TBCE: variants seen among roughly 807,000 people sequenced by gnomAD.
TBCE encodes the protein tubulin folding cofactor E, also known as tubulin-specific chaperone E.
TBCE carries 53 observed loss-of-function variants against 77.0 expected under a neutral mutation model. The ratio of observed to expected loss-of-function variants is 0.69; its 90% CI spans 0.55 to 0.87. TBCE has a LOEUF of 0.87. TBCE is among the 40% of genes least tolerant of loss of function. The pLI is 0.00. For missense variants in TBCE, 624 were observed against 622.4 expected (o/e 1.00, Z -0.03); for synonymous variants, 235 against 241.3 (o/e 0.97, Z 0.24).
intron 8 of TBCE, among the ~76,000 whole-genome samples, chr1:235,435,390 C>T (rs529055047): frequency 1.3e-5 from 2 of 152,202 alleles, no homozygotes; most frequent in African/African-American, 2.4e-5. Flanking sequence ...TGTGAGCCAC[C>T]GTGCCTGGCC....
rs149511860 is a variant in TBCE, at chr1:235,437,342, A to G, written c.984A>G (p.Leu328=). The change falls in exon 12 of 17, where the codon CTA becomes CTG. Residue 328 remains leucine, a synonymous_variant. Coordinates refer to ENST00000642610, the MANE Select transcript of TBCE (RefSeq NM_003193.5). The part of the protein sequence containing the change: ...QISQWSFFNE[L]EKLPSLRALS... ...TTCAGTGGTCGTTTTTCAATGAGCT[A>G]GAGAAGTTACCAAGTCTACGGGCTT... The G allele has an allele frequency of 1.5e-5, 25 of 1,614,020 alleles. No individual in the cohort carries two copies. The African/African-American group carries it at 1.9e-4, about 12-fold the overall frequency.
chr1:235,435,058 C>T (rs998373493), intron 8 of TBCE, among the ~76,000 whole-genome samples: 72 of 151,552 alleles, frequency 4.8e-4, no homozygotes, highest in Non-Finnish European at 7.1e-4. Flanking sequence ...TAAAGATTTT[C>T]GTTTACAGAA....
chr1:235,444,249 G>A (rs1179664737), intron 15 of TBCE, among the ~76,000 whole-genome samples: 1 of 152,128 alleles, frequency 6.6e-6, no homozygotes, highest in East Asian at 1.9e-4. Context: ...TCACAATCCA[G>A]TTTCTACTCC....
intron 7 of TBCE, among the ~76,000 whole-genome samples, chr1:235,431,553 G>T (rs1304089561): frequency 6.6e-6 from 1 of 151,832 alleles, no homozygotes; most frequent in Non-Finnish European, 1.5e-5. Flanking sequence ...TAGAGACATG[G>T]TTTCTCCATG....
chr1:235,437,270 A>G, intron 11 of TBCE, 52 bp from the exon 12 acceptor site: 1 of 1,613,196 alleles, frequency 6.2e-7, no homozygotes, highest in South Asian at 1.1e-5. Context: ...AACTTCTGCA[A>G]AAGTGGCATG....
intron 11 of TBCE, among the ~76,000 whole-genome samples, chr1:235,437,016 C>T (rs1681495116): frequency 6.6e-6 from 1 of 151,976 alleles, no homozygotes; most frequent in Non-Finnish European, 1.5e-5. Context: ...GTAATCCCAG[C>T]TACTCGGGAG....
chr1:235,404,380 A>T (rs1679297640), intron 3 of TBCE, among the ~76,000 whole-genome samples: 1 of 151,800 alleles, frequency 6.6e-6, no homozygotes, highest in Non-Finnish European at 1.5e-5. Context: ...TAAGCCCAGG[A>T]GTTTCAAGAC....
chr1:235,380,851 T>A (rs1343022486), intron 2 of TBCE, among the ~76,000 whole-genome samples: 1 of 152,138 alleles, frequency 6.6e-6, no homozygotes, highest in African/African-American at 2.4e-5. Context: ...AGTGGTGCGA[T>A]GTTGGCTCAC....
chr1:235,436,281 TA>T, intron 9 of TBCE, 104 bp from the exon 10 acceptor site: 1 of 1,040,592 alleles, frequency 9.6e-7, no homozygotes, highest in Non-Finnish European at 1.5e-6. Flanking sequence ...TACATGGGAT[TA>T]AAAACCCAGG....
intron 7 of TBCE, chr1:235,433,823 T>G: frequency 5.2e-6 from 1 of 192,058 alleles, no homozygotes; most frequent in Non-Finnish European, 1.1e-5. Context: ...AAACCCAGAT[T>G]GGCATTTAGA....
At position 235,373,446 on chromosome 1, in the gene TBCE, AT is replaced by A. The variant is rs955540362; in HGVS notation, c.-32+5953del. ...AGAAAAAAAAGAATGTAACGTCTAC[AT>A]TTTTTTTTTTCTTTGAGACGCAGTC... is the stretch of plus-strand genomic sequence containing the variant. On this transcript the variant is annotated intron_variant, in intron 1 of 16. Coordinates refer to ENST00000642610, the MANE Select transcript of TBCE (RefSeq NM_003193.5). 3.7e-3 allele frequency among the ~76,000 whole-genome samples: 549 copies of A among 147,138 alleles called. 1 individual carries two copies. The highest frequency in any genetic ancestry group is 0.011 in the Middle Eastern group (3 of 278).
intron 1 of TBCE, among the ~76,000 whole-genome samples, chr1:235,377,020 C>T (rs1270358303): frequency 2.6e-5 from 4 of 152,040 alleles, no homozygotes; most frequent in Admixed American, 1.3e-4. Flanking sequence ...ACTTTGGGCT[C>T]GGAGATTATT....
At chr1:235,370,365 G>C (rs372951189) in intron 1 of TBCE, among the ~76,000 whole-genome samples, 1 of 148,774 alleles carries the variant, frequency 6.7e-6, no homozygotes, top group East Asian at 2.0e-4. Context: ...GCAATTCTCT[G>C]CCTCAGCCTC....
At chr1:235,426,236 G>A (rs777264036) in intron 5 of TBCE, among the ~76,000 whole-genome samples, 16 of 152,162 alleles carry the variant, frequency 1.1e-4, no homozygotes, top group Non-Finnish European at 4.4e-5. Flanking sequence ...CTCCACTTGT[G>A]TTGTCTGTCG....
chr1:235,387,518 C>T (rs1480176171), intron 2 of TBCE, among the ~76,000 whole-genome samples: 3 of 152,232 alleles, frequency 2.0e-5, no homozygotes, highest in South Asian at 4.1e-4. Context: ...CACCCCTCCC[C>T]CAGCCGCGCT....
chr1:235,396,954 G>GTTTATTTATTTATTTATTTA (rs143979836), intron 2 of TBCE, among the ~76,000 whole-genome samples: 8 of 148,348 alleles, frequency 5.4e-5, no homozygotes, highest in African/African-American at 2.0e-4. Context: ...TTTGTTGATT[G>GTTTATTTATTTATTTATTTA]TTTATTTATT....
intron 3 of TBCE, among the ~76,000 whole-genome samples, chr1:235,404,137 C>T (rs1439284983): frequency 6.6e-6 from 1 of 152,046 alleles, no homozygotes; most frequent in African/African-American, 2.4e-5. Flanking sequence ...ATTAGCCAGG[C>T]GTGGTGGCGG....
At chr1:235,439,257 T>A (rs572789405) in intron 13 of TBCE, among the ~76,000 whole-genome samples, 1 of 150,292 alleles carries the variant, frequency 6.7e-6, no homozygotes, top group Non-Finnish European at 1.5e-5. Context: ...TTTGGGAGGC[T>A]GAGGCGGGTG....
chr1:235,371,876 G>A (rs1419506120), intron 1 of TBCE, among the ~76,000 whole-genome samples: 1 of 152,154 alleles, frequency 6.6e-6, no homozygotes, highest in Non-Finnish European at 1.5e-5. Context: ...GTTTCACCAT[G>A]TTGGCCGGGC....
Sources: allele counts gnomAD v4.1 joint callset (sites outside exome capture counted in the v4.1 genomes callset), GRCh38; gene constraint gnomAD v4.1.1; transcripts MANE v1.5; gene names NCBI Gene and HGNC (gene_info 2026-07-23, HGNC 2026-07-21).